Variants in KCNE2 observed in about 807,000 individuals in gnomAD.
KCNE2 encodes the protein potassium voltage-gated channel subfamily E regulatory subunit 2, also known as potassium voltage-gated channel subfamily E member 2.
Under a neutral mutation model 4.5 loss-of-function variants are expected in KCNE2, and 4 were observed. The observed-to-expected ratio is 0.89, with a 90% CI of 0.44 to 2.03. KCNE2 has a LOEUF of 2.03. KCNE2 is among the 30% of genes most tolerant of loss of function. The pLI, the probability that KCNE2 is intolerant of heterozygous loss-of-function variation, is 0.03. For missense variants in KCNE2, 137 were observed against 151.4 expected (o/e 0.90, Z 0.50); for synonymous variants, 57 against 55.9 (o/e 1.02, Z -0.09).
chr21:34,366,064 T>C (rs1199871629), intron 1 of KCNE2, among the ~76,000 whole-genome samples: 1 of 152,226 alleles, frequency 6.6e-6, no homozygotes, highest in Non-Finnish European at 1.5e-5. Flanking sequence ...GTGGGGCCTT[T>C]GTTCACATTA....
chr21:34,368,229 AATATAT>A (rs10596236), intron 1 of KCNE2, among the ~76,000 whole-genome samples: 23,657 of 84,406 alleles, frequency 0.28, 3,378 homozygotes, highest in Admixed American at 0.36. Context: ...ACACACACAC[AATATAT>A]ATATATATAT....
At chr21:34,367,237 G>A (rs1266809582) in intron 1 of KCNE2, among the ~76,000 whole-genome samples, 2 of 151,350 alleles carry the variant, frequency 1.3e-5, no homozygotes, top group Non-Finnish European at 2.9e-5. Flanking sequence ...GAAGCAGGGG[G>A]ATCACTTGAG....
At chr21:34,366,507 A>G (rs1378136238) in intron 1 of KCNE2, among the ~76,000 whole-genome samples, 1 of 151,990 alleles carries the variant, frequency 6.6e-6, no homozygotes. Context: ...CTACGTACCC[A>G]TCGCTGTGTA....
In KCNE2 at chr21:34,370,888, G is replaced by C; in HGVS notation, c.*38G>C. On this transcript the variant is annotated 3_prime_UTR_variant, in exon 2 of 2. Transcript: ENST00000290310. ...GCACCAAGCTAACATCTGACGTCCA[G>C]ACATGAAGAGATGCCAGTGCCACGA... is the stretch of plus-strand genomic sequence containing the variant. 1 of 1,612,486 alleles carries C rather than the reference G, an allele frequency of 6.2e-7. No individual in the cohort carries two copies. Among genetic ancestry groups the C allele is most frequent in the Non-Finnish European group, 8.5e-7 (1 of 1,179,914 alleles).
At chr21:34,366,580 T>C (rs373583721) in intron 1 of KCNE2, among the ~76,000 whole-genome samples, 40 of 152,266 alleles carry the variant, frequency 2.6e-4, no homozygotes, top group African/African-American at 9.1e-4. Context: ...AGCTCTCCTG[T>C]CATCGGGACT....
intron 1 of KCNE2, among the ~76,000 whole-genome samples, chr21:34,368,086 C>T (rs962600686): frequency 6.6e-6 from 1 of 151,418 alleles, no homozygotes; most frequent in Non-Finnish European, 1.5e-5. Flanking sequence ...TTAATTCATG[C>T]ATCAAATGTC....
intron 1 of KCNE2, among the ~76,000 whole-genome samples, chr21:34,367,382 C>T (rs1383860090): frequency 6.6e-6 from 1 of 152,150 alleles, no homozygotes; most frequent in Non-Finnish European, 1.5e-5. Context: ...GCCAGCTCAG[C>T]TAACTTTCAC....
rs1402694335 is a variant in KCNE2, at chr21:34,371,055, T to C, written c.*205T>C. ...TTTATGCTTGCTTGTTGGAGCAATATTTTGTGCTGAAGACCTCTTTTACTT... is the reference window on the plus strand; with the variant it reads ...TTTATGCTTGCTTGTTGGAGCAATACTTTGTGCTGAAGACCTCTTTTACTT... On this transcript the variant is annotated 3_prime_UTR_variant, in exon 2 of 2. Transcript: ENST00000290310. 3.0e-6 allele frequency: 2 copies of C among 673,446 alleles called. No individual in the cohort carries two copies. Among genetic ancestry groups the C allele is most frequent in the Non-Finnish European group, 5.1e-6 (2 of 389,924 alleles). 41.7% of individuals were successfully genotyped at this position (673,446 alleles called of 1,614,324 possible).
chr21:34,368,444 C>T (rs1979439423), intron 1 of KCNE2, among the ~76,000 whole-genome samples: 1 of 151,652 alleles, frequency 6.6e-6, no homozygotes, highest in Admixed American at 6.6e-5. Context: ...ACTAAAAATA[C>T]AAAACATTAG....
Sources: allele counts gnomAD v4.1 joint callset (sites outside exome capture counted in the v4.1 genomes callset), GRCh38; gene constraint gnomAD v4.1.1; transcripts MANE v1.5; gene names NCBI Gene and HGNC (gene_info 2026-07-23, HGNC 2026-07-21).